The following HAT1 variants were observed in gnomAD, a reference collection of about 807,000 sequenced individuals.
The protein encoded by HAT1 is histone acetyltransferase type B catalytic subunit.
A neutral mutation model predicts 56.6 loss-of-function variants in HAT1; 20 were observed. The ratio of observed to expected loss-of-function variants is 0.35; its 90% CI spans 0.25 to 0.51. The LOEUF is 0.51. HAT1 is among the 20% of genes least tolerant of loss of function. The pLI is 0.95. For missense variants in HAT1, 408 were observed against 504.3 expected (o/e 0.81, Z 1.83); for synonymous variants, 146 against 165.5 (o/e 0.88, Z 0.91).
chr2:171,936,976 A>G (rs1686887245), intron 2 of HAT1, among the ~76,000 whole-genome samples: 1 of 152,120 alleles, frequency 6.6e-6, no homozygotes, highest in South Asian at 2.1e-4. Flanking sequence ...TTTATTTGAG[A>G]TAGGGTCTGG....
chr2:171,977,545 ATATATATATATATTTTTT>A (rs1304573298), intron 9 of HAT1, among the ~76,000 whole-genome samples: 3 of 14,062 alleles, frequency 2.1e-4, no homozygotes, highest in Non-Finnish European at 3.8e-4. Flanking sequence ...ATATATATAT[ATATATATATATATTTTTT>A]TTTTTTTTTT....
chr2:171,933,052 G>T (rs1362490745), intron 2 of HAT1, among the ~76,000 whole-genome samples: 1 of 151,732 alleles, frequency 6.6e-6, no homozygotes, highest in Non-Finnish European at 1.5e-5. Flanking sequence ...CTTACTTTGG[G>T]TTAATTTTTT....
At chr2:171,967,983 C>G (rs2105337018) in intron 8 of HAT1, among the ~76,000 whole-genome samples, 1 of 134,488 alleles carries the variant, frequency 7.4e-6, no homozygotes, top group Middle Eastern at 5.4e-3. Context: ...TTTATATAGA[C>G]TAGTAATCCA....
rs193292288 is a variant in HAT1, at chr2:171,932,631, G to A, written c.112+6990G>A. Among the ~76,000 whole-genome samples the A allele has an allele frequency of 3.3e-5, 5 of 152,272 alleles. No individual in the cohort carries two copies. In the East Asian group the frequency reaches 9.6e-4, roughly 29 times the overall value. On this transcript the variant is annotated intron_variant, in intron 2 of 10. Transcript: ENST00000264108. ...ACATGTAATCCCAGATCTTTGGGAGGCCAAGGCAGAAGGATCGCTTGAGCC... is the reference window on the plus strand; with the variant it reads ...ACATGTAATCCCAGATCTTTGGGAGACCAAGGCAGAAGGATCGCTTGAGCC...
At chr2:171,967,944 A>G (rs943878435) in intron 8 of HAT1, among the ~76,000 whole-genome samples, 1 of 149,948 alleles carries the variant, frequency 6.7e-6, no homozygotes, top group Non-Finnish European at 1.5e-5. Flanking sequence ...CCACATAAAT[A>G]GGCTAGTAAG....
intron 5 of HAT1, 101 bp from the exon 6 acceptor site, chr2:171,965,686 G>A (rs1687667480): frequency 8.4e-7 from 1 of 1,184,472 alleles, no homozygotes; most frequent in African/African-American, 1.5e-5. Context: ...ATCTTAATCT[G>A]AGACTTCTAA....
At chr2:171,951,387 T>A (rs1292777883) in intron 3 of HAT1, among the ~76,000 whole-genome samples, 3 of 152,138 alleles carry the variant, frequency 2.0e-5, no homozygotes, top group African/African-American at 7.2e-5. Context: ...CTGTGTAATA[T>A]CTTAGTAGAT....
At chr2:171,944,669 T>C (rs886934915) in intron 2 of HAT1, among the ~76,000 whole-genome samples, 2 of 152,184 alleles carry the variant, frequency 1.3e-5, no homozygotes, top group African/African-American at 4.8e-5. Flanking sequence ...TCATATTGCA[T>C]TGAATCAGGA....
chr2:171,979,742 G>A (rs1688086978), intron 10 of HAT1: 1 of 161,698 alleles, frequency 6.2e-6, no homozygotes, highest in Non-Finnish European at 1.3e-5. Context: ...AGGAGGTGGA[G>A]GTTGCTGTGA....
chr2:171,938,611 TG>T (rs1432358066), intron 2 of HAT1, among the ~76,000 whole-genome samples: 1 of 152,208 alleles, frequency 6.6e-6, no homozygotes, highest in Non-Finnish European at 1.5e-5. Flanking sequence ...TTGCTGTCAT[TG>T]CAGAAAACCC....
intron 8 of HAT1, among the ~76,000 whole-genome samples, chr2:171,969,967 C>T (rs1269839670): frequency 1.3e-5 from 2 of 152,020 alleles, no homozygotes; most frequent in African/African-American, 2.4e-5. Flanking sequence ...GCCTGGGCAA[C>T]ATAGGGAGAT....
At chr2:171,979,043 A>C (rs1688061524) in intron 9 of HAT1, among the ~76,000 whole-genome samples, 1 of 152,066 alleles carries the variant, frequency 6.6e-6, no homozygotes. Flanking sequence ...GTGAACTATG[A>C]TCGTGCCACA....
chr2:171,967,721 A>C (rs1322565186), intron 8 of HAT1, among the ~76,000 whole-genome samples: 1 of 152,150 alleles, frequency 6.6e-6, no homozygotes, highest in Admixed American at 6.5e-5. Context: ...CTTTTATTGA[A>C]AAATACTTTA....
chr2:171,977,555 A>T (rs1244448227), intron 9 of HAT1, among the ~76,000 whole-genome samples: 140 of 11,148 alleles, frequency 0.013, no homozygotes, highest in East Asian at 0.093. Flanking sequence ...ATATATATAT[A>T]TATTTTTTTT....
At chr2:171,929,893 C>A (rs1373978549) in intron 2 of HAT1, among the ~76,000 whole-genome samples, 1 of 152,048 alleles carries the variant, frequency 6.6e-6, no homozygotes, top group South Asian at 2.1e-4. Context: ...AAGATTGTTT[C>A]GATTATTCTT....
chr2:171,927,649 G>GCGAT (rs1686631154), intron 2 of HAT1, among the ~76,000 whole-genome samples: 1 of 152,126 alleles, frequency 6.6e-6, no homozygotes, highest in South Asian at 2.1e-4. Flanking sequence ...GTGCAGTGGT[G>GCGAT]CGATCTTGGT....
At chr2:171,976,125 A>C in intron 8 of HAT1, 32 bp from the exon 9 acceptor site, 2 of 1,368,082 alleles carry the variant, frequency 1.5e-6, no homozygotes, top group Non-Finnish European at 2.0e-6. Flanking sequence ...GTATCAGGGA[A>C]ATGTTAATAT....
chr2:171,954,254 A>G (rs1293739429), intron 4 of HAT1, among the ~76,000 whole-genome samples: 1 of 152,212 alleles, frequency 6.6e-6, no homozygotes, highest in African/African-American at 2.4e-5. Context: ...TGTGGAATCT[A>G]TTGAAGTTTC....
chr2:171,924,901 A>C (rs1203206484), intron 1 of HAT1: 1 of 152,190 alleles, frequency 6.6e-6, no homozygotes, highest in Non-Finnish European at 1.5e-5. Context: ...ATAATGAAAA[A>C]GACGACTTAG....
Sources: allele counts gnomAD v4.1 joint callset (sites outside exome capture counted in the v4.1 genomes callset), GRCh38; gene constraint gnomAD v4.1.1; transcripts MANE v1.5; gene names NCBI Gene and HGNC (gene_info 2026-07-23, HGNC 2026-07-21).